Variants in HECW2 observed in about 807,000 individuals in gnomAD.
The protein encoded by HECW2 is E3 ubiquitin-protein ligase HECW2.
HECW2 carries 61 observed loss-of-function variants against 175.2 expected under a neutral mutation model. That is an observed-to-expected ratio of 0.35 (90% CI 0.28 to 0.43). The LOEUF (loss-of-function observed/expected upper bound fraction) is 0.43. Among genes scored for constraint, HECW2 ranks in the 20% least tolerant of loss-of-function variants. The pLI is 1.00. For missense variants in HECW2, 1,524 were observed against 2,000.5 expected (o/e 0.76, Z 4.54); for synonymous variants, 671 against 731.0 (o/e 0.92, Z 1.32).
At chr2:196,216,696 C>T (rs756479284) in intron 27 of HECW2, among the ~76,000 whole-genome samples, 2 of 152,118 alleles carry the variant, frequency 1.3e-5, no homozygotes, top group Non-Finnish European at 2.9e-5. Flanking sequence ...TGCCGGCCTG[C>T]ACTTTGGGTA....
intron 13 of HECW2, among the ~76,000 whole-genome samples, chr2:196,293,113 A>G (rs377041019): frequency 3.9e-5 from 6 of 152,170 alleles, no homozygotes; most frequent in African/African-American, 1.4e-4. Flanking sequence ...TATTAAGCCC[A>G]GCACGCATTA....
At chr2:196,392,894 A>G (rs1353869317) in intron 2 of HECW2, among the ~76,000 whole-genome samples, 1 of 152,204 alleles carries the variant, frequency 6.6e-6, no homozygotes, top group Non-Finnish European at 1.5e-5. Flanking sequence ...ACGCTACCTG[A>G]CTTCAAACTA....
intron 2 of HECW2, among the ~76,000 whole-genome samples, chr2:196,424,888 T>G (rs1321986346): frequency 6.6e-6 from 1 of 152,174 alleles, no homozygotes; most frequent in Non-Finnish European, 1.5e-5. Flanking sequence ...ACAAATGATT[T>G]TCAATGTGGG....
At position 196,273,049 on chromosome 2, in the gene HECW2, A is replaced by ATTTTTT. The variant is rs778348590; in HGVS notation, c.3238+966_3238+971dup. On this transcript the variant is annotated intron_variant, in intron 16 of 28. Coordinates refer to ENST00000644978, the MANE Select transcript of HECW2 (RefSeq NM_001348768.2). ...CAAAGATAAATGGAGAGCTGGTCTA[A>ATTTTTT]TTTTTTTTTTTTTTTTTTTTTTTTT... Among the ~76,000 whole-genome samples the ATTTTTT allele has an allele frequency of 4.4e-5, 5 of 113,118 alleles. 1 individual carries two copies. The highest frequency in any genetic ancestry group is 1.9e-4 in the African/African-American group (5 of 26,012). The allele number at this position is 113,118 out of a possible 152,430, so 74.2% of individuals were successfully genotyped here.
intron 1 of HECW2, among the ~76,000 whole-genome samples, chr2:196,452,862 A>G (rs1013976223): frequency 6.6e-6 from 1 of 151,998 alleles, no homozygotes; most frequent in Non-Finnish European, 1.5e-5. Flanking sequence ...GGGCTTATCA[A>G]TGGGAGACTG....
chr2:196,440,358 G>A (rs1696003435), intron 1 of HECW2, among the ~76,000 whole-genome samples: 1 of 151,870 alleles, frequency 6.6e-6, no homozygotes, highest in Non-Finnish European at 1.5e-5. Flanking sequence ...TTACAACAAG[G>A]GACTATTATC....
At chr2:196,352,412 T>C (rs981020657) in intron 2 of HECW2, among the ~76,000 whole-genome samples, 1 of 152,178 alleles carries the variant, frequency 6.6e-6, no homozygotes, top group Admixed American at 6.5e-5. Flanking sequence ...CTTGGGAATA[T>C]CTGTGCACTG....
chr2:196,366,626 G>A (rs1474380230), intron 2 of HECW2, among the ~76,000 whole-genome samples: 1 of 152,190 alleles, frequency 6.6e-6, no homozygotes, highest in Non-Finnish European at 1.5e-5. Context: ...ATTGGCATAT[G>A]TCTTGAAGCT....
intron 5 of HECW2, among the ~76,000 whole-genome samples, chr2:196,326,548 A>C (rs1692159925): frequency 6.6e-6 from 1 of 150,716 alleles, no homozygotes; most frequent in African/African-American, 2.5e-5. Context: ...GGTTCAGGTG[A>C]TTCTCATACC....
chr2:196,491,523 C>T (rs1184406944), intron 1 of HECW2, among the ~76,000 whole-genome samples: 1 of 143,558 alleles, frequency 7.0e-6, no homozygotes, highest in African/African-American at 2.8e-5. Context: ...CACACACACA[C>T]ACATATACAC....
At chr2:196,439,864 A>G (rs1695989004) in intron 1 of HECW2, among the ~76,000 whole-genome samples, 1 of 152,200 alleles carries the variant, frequency 6.6e-6, no homozygotes, top group African/African-American at 2.4e-5. Context: ...CTGATCAGTC[A>G]AGGAACCCAG....
At position 196,196,576 on chromosome 2, in the gene HECW2, T is replaced by G. The variant is rs2105739666; in HGVS notation, c.*4701A>C. 1 of 152,276 alleles carries G rather than the reference T, an allele frequency of 6.6e-6. No individual in the cohort carries two copies. The highest frequency in any genetic ancestry group is 2.1e-4 in the South Asian group (1 of 4,848). 9.4% of individuals were successfully genotyped at this position (152,276 alleles called of 1,614,324 possible). A position where few individuals can be genotyped will look rare whatever the true frequency, so the allele number is the denominator to read the frequency against. ...CTTCGGGAGGCCAAGGTGGGAGGAC[T>G]GCTTGAGCTCAGGAGTTCAAGACCA... On this transcript the variant is annotated 3_prime_UTR_variant, in exon 29 of 29. Transcript: ENST00000644978.
intron 1 of HECW2, among the ~76,000 whole-genome samples, chr2:196,548,603 A>G (rs936531181): frequency 6.6e-6 from 1 of 152,230 alleles, no homozygotes; most frequent in Non-Finnish European, 1.5e-5. Context: ...CATTGTAATA[A>G]GTAAAGCCAC....
At chr2:196,468,681 C>A (rs1697061104) in intron 1 of HECW2, among the ~76,000 whole-genome samples, 1 of 152,136 alleles carries the variant, frequency 6.6e-6, no homozygotes, top group Non-Finnish European at 1.5e-5. Context: ...AATATTTCCA[C>A]TTCCAAAGCT....
At chr2:196,279,170 T>C (rs1033225941) in intron 14 of HECW2, among the ~76,000 whole-genome samples, 4 of 152,038 alleles carry the variant, frequency 2.6e-5, no homozygotes, top group Admixed American at 2.6e-4. Flanking sequence ...TGCCTCAGCC[T>C]CCCGAGTAGC....
At chr2:196,424,239 TGACTGTTCCACTGACCCAAC>T (rs1183785936) in intron 2 of HECW2, among the ~76,000 whole-genome samples, 1 of 152,112 alleles carries the variant, frequency 6.6e-6, no homozygotes, top group Non-Finnish European at 1.5e-5. Flanking sequence ...GTGTGTGTTC[TGACTGTTCCACTGACCCAAC>T]GATCCTCTTT....
intron 13 of HECW2, among the ~76,000 whole-genome samples, chr2:196,303,567 T>C (rs1260163276): frequency 6.6e-6 from 1 of 152,214 alleles, no homozygotes; most frequent in Non-Finnish European, 1.5e-5. Context: ...GACCATTTAT[T>C]GCTGCCTCAA....
chr2:196,273,934 C>T, intron 16 of HECW2, 87 bp downstream of exon 16: 1 of 923,414 alleles, frequency 1.1e-6, no homozygotes. Context: ...AAGTAGCAGG[C>T]TAACAACAGG....
intron 1 of HECW2, among the ~76,000 whole-genome samples, chr2:196,587,852 C>CTT (rs1691041921): frequency 6.6e-6 from 1 of 152,172 alleles, no homozygotes; most frequent in Non-Finnish European, 1.5e-5. Flanking sequence ...GGCTTTGCAA[C>CTT]ACCCACACCA....
Sources: gnomAD v4.1 joint callset for allele counts (sites outside exome capture counted in the v4.1 genomes callset) on GRCh38, gnomAD v4.1.1 for gene constraint, MANE v1.5 for transcripts, NCBI Gene and HGNC (gene_info 2026-07-23, HGNC 2026-07-21) for gene names.